Variants in IL1RAPL2 observed in about 807,000 individuals in gnomAD.
IL1RAPL2 encodes X-linked interleukin-1 receptor accessory protein-like 2.
IL1RAPL2 carries 3 observed loss-of-function variants against 44.1 expected under a neutral mutation model. The observed-to-expected ratio is 0.07, with a 90% CI of 0.03 to 0.18. The LOEUF is 0.18. Ranked by LOEUF, IL1RAPL2 falls within the 10% of genes least tolerant of loss-of-function variation. The pLI is 1.00. For synonymous variants in IL1RAPL2, 181 were observed against 178.8 expected, an observed-to-expected ratio of 1.01 and a Z score of -0.10; for missense variants, 391 against 496.4, an observed-to-expected ratio of 0.79 and a Z score of 2.02.
At chrX:105,684,960 G>A (rs1021741359) in intron 6 of IL1RAPL2, among the ~76,000 whole-genome samples, 5 of 112,131 alleles carry the variant, frequency 4.5e-5, no homozygotes, top group Non-Finnish European at 7.5e-5. Context: ...GCAGCTGAGG[G>A]ACCTGACTGT....
At chrX:104,900,281 ATTG>A (rs1185860780) in intron 2 of IL1RAPL2, among the ~76,000 whole-genome samples, 3 of 111,676 alleles carry the variant, frequency 2.7e-5, no homozygotes, top group African/African-American at 9.8e-5. Flanking sequence ...ATTTAAACAT[ATTG>A]TTTTGTTTAT....
Position 105,434,054 on chromosome X carries a change from C to A in IL1RAPL2, c.698-50259C>A, listed in dbSNP as rs959901401. Among the ~76,000 whole-genome samples, 73 of 111,213 alleles carry A rather than the reference C, an allele frequency of 6.6e-4. 1 individual carries two copies. The Admixed American group carries it at 6.9e-3, about 11-fold the overall frequency. ...CTCAATAATAAGAAAACCAACAACA[C>A]AATGAAAAATAGATTGAACAGATAG... On this transcript the variant is annotated intron_variant, in intron 5 of 10. Coordinates refer to ENST00000372582, the MANE Select transcript of IL1RAPL2 (RefSeq NM_017416.2).
At chrX:105,321,238 C>T (rs985238366) in intron 5 of IL1RAPL2, among the ~76,000 whole-genome samples, 10 of 111,730 alleles carry the variant, frequency 9.0e-5, no homozygotes, top group Admixed American at 1.9e-4. Context: ...GTTTGGGAAA[C>T]ACTGGCCCAG....
intron 2 of IL1RAPL2, among the ~76,000 whole-genome samples, chrX:105,143,485 AC>A (rs1191617412): frequency 8.9e-6 from 1 of 111,957 alleles, no homozygotes; most frequent in Non-Finnish European, 1.9e-5. Context: ...GAACACTTTT[AC>A]ACTGTTGGTG....
At chrX:105,356,789 A>G (rs1284231831) in intron 5 of IL1RAPL2, among the ~76,000 whole-genome samples, 3 of 112,039 alleles carry the variant, frequency 2.7e-5, no homozygotes, top group African/African-American at 9.7e-5. Context: ...CCATCCTCAA[A>G]GAAGTCTTCT....
intron 5 of IL1RAPL2, among the ~76,000 whole-genome samples, chrX:105,283,482 A>G (rs113117730): frequency 0.036 from 3,954 of 110,616 alleles, 198 homozygotes; most frequent in African/African-American, 0.12. Context: ...TCAGAAGGGT[A>G]GTAATAGAGG....
chrX:105,247,607 G>A (rs200548730), intron 4 of IL1RAPL2, among the ~76,000 whole-genome samples: 3,073 of 76,808 alleles, frequency 0.04, 146 homozygotes, highest in African/African-American at 0.29. Flanking sequence ...ATATATATGT[G>A]TGTGTGTGTG....
intron 6 of IL1RAPL2, among the ~76,000 whole-genome samples, chrX:105,540,187 G>GTATA (rs760951566): frequency 6.3e-5 from 7 of 111,556 alleles, no homozygotes; most frequent in Non-Finnish European, 1.3e-4. Context: ...CTGTTATCAG[G>GTATA]TATATATTCA....
At chrX:105,593,710 G>GCTAT (rs768663216) in intron 6 of IL1RAPL2, among the ~76,000 whole-genome samples, 1 of 110,892 alleles carries the variant, frequency 9.0e-6, no homozygotes, top group Non-Finnish European at 1.9e-5. Context: ...TCACTCCTGG[G>GCTAT]CTATGGGGTC....
At chrX:105,464,396 A>G (rs550664505) in intron 5 of IL1RAPL2, among the ~76,000 whole-genome samples, 1 of 111,792 alleles carries the variant, frequency 8.9e-6, no homozygotes, top group African/African-American at 3.2e-5. Context: ...TGTCATCAAT[A>G]GGTTCTTGGA....
intron 4 of IL1RAPL2, among the ~76,000 whole-genome samples, chrX:105,237,298 A>T (rs886644206): frequency 2.7e-5 from 3 of 111,945 alleles, no homozygotes; most frequent in Non-Finnish European, 3.8e-5. Context: ...GTGCTGCAAT[A>T]AACATACGGT....
chrX:105,382,863 G>A (rs1271495022), intron 5 of IL1RAPL2, among the ~76,000 whole-genome samples: 20 of 105,408 alleles, frequency 1.9e-4, no homozygotes, highest in Non-Finnish European at 2.9e-4. Context: ...GCAAACTATC[G>A]TAAGAACAAA....
At chrX:105,362,802 A>G (rs189854848) in intron 5 of IL1RAPL2, among the ~76,000 whole-genome samples, 1 of 111,691 alleles carries the variant, frequency 9.0e-6, no homozygotes, top group African/African-American at 3.2e-5. Flanking sequence ...ATTTTGATCT[A>G]TGTGTATATT....
At chrX:104,949,276 AT>A (rs895417700) in intron 2 of IL1RAPL2, among the ~76,000 whole-genome samples, 7 of 110,324 alleles carry the variant, frequency 6.3e-5, no homozygotes, top group African/African-American at 2.3e-4. Context: ...CCCCTTTATC[AT>A]TTTTTATTGC....
chrX:105,614,387 AG>A (rs1326657236), intron 6 of IL1RAPL2, among the ~76,000 whole-genome samples: 1 of 112,309 alleles, frequency 8.9e-6, no homozygotes, highest in Non-Finnish European at 1.9e-5. Flanking sequence ...ATCATAATGC[AG>A]GAGTCACATT....
chrX:105,757,414 C>A (rs2038648412), intron 10 of IL1RAPL2, among the ~76,000 whole-genome samples: 1 of 111,690 alleles, frequency 9.0e-6, no homozygotes, highest in African/African-American at 3.3e-5. Context: ...TCTTTTCTAG[C>A]CAGCAAGATT....
intron 6 of IL1RAPL2, among the ~76,000 whole-genome samples, chrX:105,657,372 A>T (rs1487417945): frequency 8.9e-6 from 1 of 112,058 alleles, no homozygotes; most frequent in Non-Finnish European, 1.9e-5. Flanking sequence ...GGGAAGTATA[A>T]GTGTTCTGTT....
At chrX:105,358,479 C>A (rs2147709551) in intron 5 of IL1RAPL2, among the ~76,000 whole-genome samples, 1 of 109,008 alleles carries the variant, frequency 9.2e-6, no homozygotes, top group Admixed American at 9.9e-5. Context: ...AGTTCAAGAC[C>A]AGCATGGTGA....
intron 2 of IL1RAPL2, among the ~76,000 whole-genome samples, chrX:104,926,248 A>G (rs905326167): frequency 8.0e-5 from 9 of 112,444 alleles, no homozygotes; most frequent in African/African-American, 2.9e-4. Flanking sequence ...AAACATTACA[A>G]GAATTAATTG....
Sources: allele counts gnomAD v4.1 joint callset (sites outside exome capture counted in the v4.1 genomes callset), GRCh38; gene constraint gnomAD v4.1.1; transcripts MANE v1.5; gene names NCBI Gene and HGNC (gene_info 2026-07-23, HGNC 2026-07-21).